NRXN3: variants seen among roughly 807,000 people sequenced by gnomAD.
NRXN3 encodes neurexin 3.
NRXN3 carries 32 observed loss-of-function variants against 137.6 expected under a neutral mutation model. The observed-to-expected ratio is 0.23, with a 90% confidence interval of 0.18 to 0.31. The LOEUF is 0.31. NRXN3 is among the 10% of genes least tolerant of loss of function. NRXN3 has a pLI of 1.00. For synonymous variants in NRXN3, 798 were observed against 784.5 expected (o/e 1.02, Z -0.29); for missense variants, 1,574 against 2,062.5 (o/e 0.76, Z 4.59).
chr14:79,368,775 G>C (rs1190899733), intron 15 of NRXN3, among the ~76,000 whole-genome samples: 1 of 152,120 alleles, frequency 6.6e-6, no homozygotes, highest in Non-Finnish European at 1.5e-5. Flanking sequence ...TCTGGAAACA[G>C]AAAAGTTTAT....
At chr14:78,769,207 A>G (rs547428766) in intron 8 of NRXN3, among the ~76,000 whole-genome samples, 1 of 152,366 alleles carries the variant, frequency 6.6e-6, no homozygotes, top group South Asian at 2.1e-4. Flanking sequence ...AGGATTTTGA[A>G]GCTCTTGTGA....
chr14:79,738,312 C>CCG (rs1278797396), intron 19 of NRXN3, among the ~76,000 whole-genome samples: 1 of 131,530 alleles, frequency 7.6e-6, no homozygotes, highest in African/African-American at 2.9e-5. Context: ...GGCATTTCCC[C>CCG]CGCCACACAC....
intron 4 of NRXN3, among the ~76,000 whole-genome samples, chr14:78,394,682 C>T (rs921194912): frequency 1.3e-5 from 2 of 151,704 alleles, no homozygotes; most frequent in Non-Finnish European, 3.0e-5. Flanking sequence ...TCCAGGGTAA[C>T]CATCTGGACC....
At chr14:78,826,508 A>G (rs2098967149) in intron 10 of NRXN3, among the ~76,000 whole-genome samples, 1 of 152,248 alleles carries the variant, frequency 6.6e-6, no homozygotes, top group Non-Finnish European at 1.5e-5. Flanking sequence ...TAAGCATTTC[A>G]GGACAGTGAC....
intron 15 of NRXN3, among the ~76,000 whole-genome samples, chr14:79,107,017 G>A (rs1166867122): frequency 6.6e-6 from 1 of 152,104 alleles, no homozygotes. Context: ...TAGATACACA[G>A]ATGGCTTCCT....
At chr14:78,552,902 A>T (rs2096706188) in intron 4 of NRXN3, among the ~76,000 whole-genome samples, 1 of 152,192 alleles carries the variant, frequency 6.6e-6, no homozygotes, top group South Asian at 2.1e-4. Flanking sequence ...CATTTAAGTG[A>T]TGGATATCCT....
chr14:78,629,619 A>G (rs908635434), intron 4 of NRXN3, among the ~76,000 whole-genome samples: 1 of 152,250 alleles, frequency 6.6e-6, no homozygotes, highest in Admixed American at 6.5e-5. Context: ...CATTCCATAC[A>G]ACGTAATTAG....
At chr14:78,994,767 A>G (rs1263949327) in intron 15 of NRXN3, among the ~76,000 whole-genome samples, 2 of 152,148 alleles carry the variant, frequency 1.3e-5, no homozygotes, top group African/African-American at 2.4e-5. Flanking sequence ...AAGGAGTGTA[A>G]TAGGTACTTG....
chr14:79,143,911 A>G (rs537694505), intron 15 of NRXN3, among the ~76,000 whole-genome samples: 43 of 152,318 alleles, frequency 2.8e-4, no homozygotes, highest in African/African-American at 9.1e-4. Context: ...CTTTTCTATA[A>G]GCCCCTTAAA....
chr14:79,232,300 C>A (rs563808544), intron 15 of NRXN3, among the ~76,000 whole-genome samples: 1 of 152,028 alleles, frequency 6.6e-6, no homozygotes, highest in South Asian at 2.1e-4. Context: ...GCTCCAAGTT[C>A]ATCCCGATTT....
chr14:78,296,530 A>G (rs2076361267), intron 3 of NRXN3, among the ~76,000 whole-genome samples: 1 of 152,168 alleles, frequency 6.6e-6, no homozygotes, highest in Admixed American at 6.5e-5. Context: ...ACCCAAAATG[A>G]ATTTTTTGAA....
chr14:78,802,244 G>A (rs2098841395), intron 8 of NRXN3, among the ~76,000 whole-genome samples: 2 of 152,190 alleles, frequency 1.3e-5, no homozygotes, highest in African/African-American at 4.8e-5. Flanking sequence ...CAGAGATGCT[G>A]TGTGACTTTG....
chr14:79,028,175 T>C (rs1052839077), intron 15 of NRXN3, among the ~76,000 whole-genome samples: 1 of 152,146 alleles, frequency 6.6e-6, no homozygotes, highest in Non-Finnish European at 1.5e-5. Context: ...GACCAGAACA[T>C]TGATACCCAA....
chr14:79,514,503 A>C (rs1050111388), intron 16 of NRXN3, among the ~76,000 whole-genome samples: 2 of 152,186 alleles, frequency 1.3e-5, no homozygotes, highest in Non-Finnish European at 1.5e-5. Flanking sequence ...CAGAGAAAGA[A>C]ATACCTCGAA....
At chr14:79,605,314 A>T (rs1180696665) in intron 16 of NRXN3, among the ~76,000 whole-genome samples, 1 of 152,140 alleles carries the variant, frequency 6.6e-6, no homozygotes, top group African/African-American at 2.4e-5. Flanking sequence ...GAGTTCTATG[A>T]TCACACACTA....
intron 15 of NRXN3, among the ~76,000 whole-genome samples, chr14:79,338,822 G>A (rs1324578229): frequency 6.6e-6 from 1 of 152,174 alleles, no homozygotes; most frequent in Non-Finnish European, 1.5e-5. Context: ...CCCAGCTGGA[G>A]ATCTAAGATA....
intron 15 of NRXN3, among the ~76,000 whole-genome samples, chr14:79,139,814 A>G (rs2058622134): frequency 6.6e-6 from 1 of 151,886 alleles, no homozygotes; most frequent in African/African-American, 2.4e-5. Flanking sequence ...TTCAAGTCAT[A>G]ATCTGAATTT....
chr14:78,392,710 G>A (rs2090937216), intron 4 of NRXN3, among the ~76,000 whole-genome samples: 1 of 152,064 alleles, frequency 6.6e-6, no homozygotes, highest in East Asian at 1.9e-4. Flanking sequence ...GGCTATTATT[G>A]TATTTTATAT....
intron 6 of NRXN3, among the ~76,000 whole-genome samples, chr14:78,667,564 T>C (rs1278564416): frequency 6.6e-6 from 1 of 152,174 alleles, no homozygotes; most frequent in Non-Finnish European, 1.5e-5. Flanking sequence ...CAAATGAATG[T>C]CTTGACTGAC....
Sources: allele counts gnomAD v4.1 joint callset (sites outside exome capture counted in the v4.1 genomes callset), GRCh38; gene constraint gnomAD v4.1.1; transcripts MANE v1.5; gene names NCBI Gene and HGNC (gene_info 2026-07-23, HGNC 2026-07-21).